CIBAR1: variants seen among roughly 807,000 people sequenced by gnomAD.
CIBAR1 encodes the protein CBY1-interacting BAR domain-containing protein 1.
In CIBAR1, 25 loss-of-function variants were observed where a neutral mutation model predicts 44.0. That is an observed-to-expected ratio of 0.57 (90% CI 0.41 to 0.79). The LOEUF (loss-of-function observed/expected upper bound fraction) is 0.79, where lower values mean the gene tolerates loss of function less well. CIBAR1 is among the 30% of genes least tolerant of loss of function. CIBAR1 has a pLI of 0.00. For synonymous variants in CIBAR1, 115 were observed against 119.0 expected (o/e 0.97, Z 0.22); for missense variants, 278 against 344.8 (o/e 0.81, Z 1.53).
intron 7 of CIBAR1, 123 bp downstream of exon 7, chr8:93,718,911 TGGAG>T: frequency 1.9e-6 from 1 of 524,878 alleles, no homozygotes; most frequent in Admixed American, 3.7e-5. Context: ...TTGCCCAAGT[TGGAG>T]TGCAGTAGTG....
At chr8:93,724,985 AC>A (rs1811418826) in intron 7 of CIBAR1, among the ~76,000 whole-genome samples, 1 of 151,812 alleles carries the variant, frequency 6.6e-6, no homozygotes, top group African/African-American at 2.4e-5. Context: ...TTTCAGAGAA[AC>A]TTTTTTTTTG....
chr8:93,700,897 G>T, intron 1 of CIBAR1: 2 of 1,316,912 alleles, frequency 1.5e-6, no homozygotes, highest in Non-Finnish European at 1.9e-6. Context: ...ACGCCACCGG[G>T]TCTCGGGTCC....
chr8:93,724,664 T>C, intron 7 of CIBAR1: 1 of 1,173,194 alleles, frequency 8.5e-7, no homozygotes, highest in South Asian at 1.6e-5. Flanking sequence ...TGTCTTTCAT[T>C]GTAATAGCTA....
rs1586251028 is a variant in CIBAR1, at chr8:93,701,239, A to G, written c.42A>G (p.Lys14=). Residue 14 remains lysine (K), a synonymous_variant, in exon 2 of 9, where the codon AAA becomes AAG. Coordinates refer to ENST00000518322, the MANE Select transcript of CIBAR1 (RefSeq NM_145269.5). The stretch of plus-strand genomic sequence containing the variant: ...TTTTCCCTAGGAACGCTCAAACGAA[A>G]CAACTGCAAACAGCTGTCTCAAATG... ...RTLENRNAQT[K]QLQTAVSNVE... 6.2e-7 allele frequency: 1 copy of G among 1,613,274 alleles called. No individual in the cohort carries two copies. The highest frequency in any genetic ancestry group is 8.5e-7 in the Non-Finnish European group (1 of 1,179,602).
chr8:93,722,542 T>C (rs1215192297), intron 7 of CIBAR1, among the ~76,000 whole-genome samples: 2 of 151,888 alleles, frequency 1.3e-5, no homozygotes, highest in Non-Finnish European at 2.9e-5. Flanking sequence ...ACTAAAGATA[T>C]AAAAAATTAG....
At chr8:93,710,966 T>C (rs1433625055) in intron 6 of CIBAR1, among the ~76,000 whole-genome samples, 3 of 152,240 alleles carry the variant, frequency 2.0e-5, no homozygotes, top group Non-Finnish European at 4.4e-5. Flanking sequence ...TTAATTTTTA[T>C]AGCTTAATAT....
At position 93,718,799 on chromosome 8, in the gene CIBAR1, GTCTA is replaced by G. The variant is rs771711587; in HGVS notation, c.657+16_657+19del. The G allele has an allele frequency of 1.1e-5, 15 of 1,408,622 alleles. No homozygotes were observed. Among genetic ancestry groups the G allele is most frequent in the South Asian group, 1.3e-5 (1 of 74,352 alleles). The allele number at this position is 1,408,622 out of a possible 1,614,324, so 87.3% of individuals were successfully genotyped here. The stretch of plus-strand genomic sequence containing the variant: ...GATGAAGATTTAGAGGTAGGACTAT[GTCTA>G]TCTAAGCTCAGTTCTTCTGTTAATG... On this transcript the variant is annotated intron_variant, in intron 7 of 8. Coordinates refer to ENST00000518322, the MANE Select transcript of CIBAR1 (RefSeq NM_145269.5).
At chr8:93,726,298 GT>G in intron 7 of CIBAR1, 95 bp from the exon 8 acceptor site, 2 of 1,156,212 alleles carry the variant, frequency 1.7e-6, no homozygotes, top group South Asian at 1.8e-5. Context: ...GGGGGGAGTT[GT>G]TTTTTTAAAA....
chr8:93,718,950 G>A (rs933254552), intron 7 of CIBAR1, among the ~76,000 whole-genome samples, 162 bp downstream of exon 7: 2 of 151,664 alleles, frequency 1.3e-5, no homozygotes, highest in South Asian at 2.1e-4. Flanking sequence ...TGCAACTTCC[G>A]TCTCGTGGGT....
At position 93,729,063 on chromosome 8, in the gene CIBAR1, T is replaced by C. The variant is rs2130408459; in HGVS notation, c.*766T>C. On this transcript the variant is annotated 3_prime_UTR_variant, in exon 9 of 9. Coordinates refer to ENST00000518322, the MANE Select transcript of CIBAR1 (RefSeq NM_145269.5). Reference sequence around the variant, plus strand: ...AGTTAATAAAAGGGTATACAGTCACTTTTATTTCTGAAAATATAAAACATT... The same window carrying C: ...AGTTAATAAAAGGGTATACAGTCACCTTTATTTCTGAAAATATAAAACATT... 1 of 152,264 alleles carries C rather than the reference T, an allele frequency of 6.6e-6. No homozygotes were observed. Among genetic ancestry groups the C allele is most frequent in the East Asian group, 1.9e-4 (1 of 5,188 alleles). The allele number at this position is 152,264 out of a possible 1,614,324, so 9.4% of individuals were successfully genotyped here.
chr8:93,722,901 C>T (rs972607453), intron 7 of CIBAR1, among the ~76,000 whole-genome samples: 8 of 152,212 alleles, frequency 5.3e-5, no homozygotes, highest in Non-Finnish European at 1.0e-4. Flanking sequence ...TTCCATTTCC[C>T]ACTTTAAATT....
chr8:93,703,058 G>T (rs1810426697), intron 2 of CIBAR1, among the ~76,000 whole-genome samples: 1 of 152,130 alleles, frequency 6.6e-6, no homozygotes, highest in African/African-American at 2.4e-5. Context: ...ATGAAACAGA[G>T]ATGAAACATA....
At chr8:93,716,857 A>C (rs1461713073) in intron 6 of CIBAR1, among the ~76,000 whole-genome samples, 2 of 152,248 alleles carry the variant, frequency 1.3e-5, no homozygotes, top group Admixed American at 6.5e-5. Flanking sequence ...ATGGATAAAC[A>C]GTTCTCTTAC....
chr8:93,722,098 G>A (rs1811286150), intron 7 of CIBAR1, among the ~76,000 whole-genome samples: 1 of 152,140 alleles, frequency 6.6e-6, no homozygotes, highest in African/African-American at 2.4e-5. Flanking sequence ...TGAACCACAG[G>A]CATAAACTAT....
intron 6 of CIBAR1, among the ~76,000 whole-genome samples, chr8:93,715,000 A>C (rs1810985161): frequency 6.6e-6 from 1 of 152,214 alleles, no homozygotes; most frequent in South Asian, 2.1e-4. Flanking sequence ...TTCTGGAAGC[A>C]GAAATGATTG....
intron 1 of CIBAR1, 39 bp from the exon 2 acceptor site, chr8:93,701,185 A>G: frequency 1.3e-6 from 2 of 1,587,282 alleles, no homozygotes; most frequent in South Asian, 1.1e-5. Context: ...TCTCATCTCT[A>G]ACGAGAATGT....
chr8:93,704,236 C>T (rs2130284575), intron 3 of CIBAR1, among the ~76,000 whole-genome samples: 1 of 152,170 alleles, frequency 6.6e-6, no homozygotes, highest in East Asian at 1.9e-4. Flanking sequence ...AATATATGGA[C>T]AGAAATTGCT....
chr8:93,718,128 A>G (rs548417539), intron 6 of CIBAR1, among the ~76,000 whole-genome samples: 2 of 152,348 alleles, frequency 1.3e-5, no homozygotes, highest in East Asian at 3.9e-4. Flanking sequence ...GGGCAAGTCA[A>G]TATTTGTAAA....
At chr8:93,725,677 T>C (rs1811460962) in intron 7 of CIBAR1, among the ~76,000 whole-genome samples, 1 of 151,926 alleles carries the variant, frequency 6.6e-6, no homozygotes, top group South Asian at 2.1e-4. Flanking sequence ...AAAGCTTTTG[T>C]TGGTTGGGTT....
Sources: gnomAD v4.1 joint callset for allele counts (sites outside exome capture counted in the v4.1 genomes callset) on GRCh38, gnomAD v4.1.1 for gene constraint, MANE v1.5 for transcripts, NCBI Gene and HGNC (gene_info 2026-07-23, HGNC 2026-07-21) for gene names.